The following ABCG2 variants were observed in gnomAD, a reference collection of about 807,000 sequenced individuals.
ABCG2 encodes ATP binding cassette subfamily G member 2 (JR blood group).
ABCG2 carries 80 observed loss-of-function variants against 73.5 expected under a neutral mutation model. The observed-to-expected ratio is 1.09, with a 90% CI of 0.91 to 1.31. The LOEUF is 1.31. ABCG2 is among the 50% of genes most tolerant of loss of function. ABCG2 has a pLI of 0.00. For missense variants in ABCG2, 796 were observed against 786.2 expected (o/e 1.01, Z -0.15); for synonymous variants, 269 against 282.4 (o/e 0.95, Z 0.48).
intron 1 of ABCG2, among the ~76,000 whole-genome samples, chr4:88,167,156 T>G (rs1413952939): frequency 6.6e-6 from 1 of 151,496 alleles, no homozygotes; most frequent in Non-Finnish European, 1.5e-5. Context: ...AACTCTTAGC[T>G]GGACACTCTT....
At chr4:88,123,959 G>T (rs1724199249) in intron 5 of ABCG2, among the ~76,000 whole-genome samples, 1 of 152,274 alleles carries the variant, frequency 6.6e-6, no homozygotes, top group South Asian at 2.1e-4. Flanking sequence ...ACTAACAGCA[G>T]ATCTCTCTGC....
chr4:88,120,092 C>G (rs1338014981), intron 6 of ABCG2, among the ~76,000 whole-genome samples: 2 of 152,198 alleles, frequency 1.3e-5, no homozygotes, highest in African/African-American at 4.8e-5. Context: ...AGTCTCGAGA[C>G]TTGGTACCCT....
intron 1 of ABCG2, among the ~76,000 whole-genome samples, chr4:88,208,010 A>G (rs2110120298): frequency 6.6e-6 from 1 of 152,350 alleles, no homozygotes; most frequent in Non-Finnish European, 1.5e-5. Context: ...CAGTTTACAA[A>G]TACTGTTGCT....
chr4:88,094,183 C>T (rs141821335), intron 15 of ABCG2, among the ~76,000 whole-genome samples: 453 of 152,228 alleles, frequency 3.0e-3, no homozygotes, highest in Non-Finnish European at 4.9e-3. Context: ...AGTTCAGGGA[C>T]CCATAGATTT....
chr4:88,178,526 A>C (rs560931072), intron 1 of ABCG2, among the ~76,000 whole-genome samples: 15 of 152,294 alleles, frequency 9.8e-5, no homozygotes, highest in Admixed American at 2.0e-4. Context: ...CTTCTGCTTA[A>C]GAAAAGGAGT....
intron 1 of ABCG2, chr4:88,230,865 G>A (rs570691009): frequency 1.3e-5 from 2 of 152,246 alleles, no homozygotes; most frequent in South Asian, 2.1e-4. Context: ...ATCTCCAGGT[G>A]ATACATATGC....
At chr4:88,129,423 A>T (rs1396745972) in intron 5 of ABCG2, among the ~76,000 whole-genome samples, 2 of 152,222 alleles carry the variant, frequency 1.3e-5, no homozygotes, top group Non-Finnish European at 2.9e-5. Flanking sequence ...TAAACTAGGA[A>T]GTCAATAGCT....
intron 5 of ABCG2, 80 bp from the exon 6 acceptor site, chr4:88,121,872 G>C: frequency 7.4e-7 from 1 of 1,359,916 alleles, no homozygotes; most frequent in South Asian, 1.3e-5. Flanking sequence ...TGCCAGTCCT[G>C]TAAGAGACAC....
chr4:88,164,458 T>C (rs1040539092), intron 1 of ABCG2, among the ~76,000 whole-genome samples: 2 of 152,168 alleles, frequency 1.3e-5, no homozygotes, highest in Non-Finnish European at 2.9e-5. Context: ...CCTATGCTGC[T>C]GTTCTGATAG....
At chr4:88,190,894 T>C (rs1728661145) in intron 1 of ABCG2, among the ~76,000 whole-genome samples, 1 of 151,964 alleles carries the variant, frequency 6.6e-6, no homozygotes, top group Admixed American at 6.6e-5. Flanking sequence ...CCAGATTATA[T>C]AAAGAACCAT....
chr4:88,131,271 T>C (rs1724856041), intron 4 of ABCG2, 58 bp from the exon 5 acceptor site: 14 of 1,550,362 alleles, frequency 9.0e-6, no homozygotes, highest in South Asian at 2.3e-5. Context: ...TCTAAGACCA[T>C]GACTGTTTAG....
At chr4:88,117,801 T>C (rs577303702) in intron 7 of ABCG2, among the ~76,000 whole-genome samples, 1 of 152,324 alleles carries the variant, frequency 6.6e-6, no homozygotes, top group South Asian at 2.1e-4. Flanking sequence ...TAAATGGCTA[T>C]AAGGCCAACA....
chr4:88,126,040 G>A (rs985741054), intron 5 of ABCG2, among the ~76,000 whole-genome samples: 5 of 152,162 alleles, frequency 3.3e-5, no homozygotes, highest in Admixed American at 1.3e-4. Context: ...CCTCAAGCTA[G>A]ACTAATAAAG....
At chr4:88,210,167 A>G (rs915630132) in intron 1 of ABCG2, among the ~76,000 whole-genome samples, 10 of 144,112 alleles carry the variant, frequency 6.9e-5, no homozygotes, top group Non-Finnish European at 1.0e-4. Context: ...TAAAGATGTC[A>G]GTAATGTAAG....
intron 1 of ABCG2, among the ~76,000 whole-genome samples, chr4:88,187,155 C>G (rs1181390882): frequency 1.5e-5 from 2 of 137,312 alleles, no homozygotes; most frequent in South Asian, 4.6e-4. Flanking sequence ...GGTAGTGTGG[C>G]AGGGGAGAAG....
chr4:88,176,003 C>T (rs76312521), intron 1 of ABCG2, among the ~76,000 whole-genome samples: 2,113 of 152,274 alleles, frequency 0.014, 24 homozygotes, highest in Non-Finnish European at 0.022. Flanking sequence ...TCCAATCCTC[C>T]ATATATAACA....
intron 1 of ABCG2, among the ~76,000 whole-genome samples, chr4:88,193,560 T>C (rs1305073241): frequency 6.6e-6 from 1 of 152,128 alleles, no homozygotes; most frequent in Non-Finnish European, 1.5e-5. Flanking sequence ...TTTCTGTTGC[T>C]AAAACAAAAA....
At chr4:88,158,885 G>C, upstream of ABCG2, 1 of 338,106 alleles carries the variant, frequency 3.0e-6, no homozygotes, top group Non-Finnish European at 5.7e-6. Flanking sequence ...CGCGCTTCGG[G>C]CTGTGGACCG....
intron 11 of ABCG2, among the ~76,000 whole-genome samples, chr4:88,100,786 T>C (rs1722353903): frequency 6.6e-6 from 1 of 152,188 alleles, no homozygotes; most frequent in South Asian, 2.1e-4. Flanking sequence ...TTTGTCGACT[T>C]AATCTCCCCA....
Sources: allele counts gnomAD v4.1 joint callset (sites outside exome capture counted in the v4.1 genomes callset), GRCh38; gene constraint gnomAD v4.1.1; transcripts MANE v1.5; gene names NCBI Gene and HGNC (gene_info 2026-07-23, HGNC 2026-07-21).